The following USP47 variants were observed in gnomAD, a reference collection of about 807,000 sequenced individuals.
USP47 encodes ubiquitin specific peptidase 47, also known as ubiquitin carboxyl-terminal hydrolase 47.
A neutral mutation model predicts 165.1 loss-of-function variants in USP47; 35 were observed. That is an observed-to-expected ratio of 0.21 (90% CI 0.16 to 0.28). The LOEUF (loss-of-function observed/expected upper bound fraction) is 0.28. USP47 is among the 10% of genes least tolerant of loss of function. The pLI, the probability that USP47 is intolerant of heterozygous loss-of-function variation, is 1.00. For synonymous variants in USP47, 531 were observed against 544.5 expected (o/e 0.98, Z 0.35); for missense variants, 1,277 against 1,607.4 (o/e 0.79, Z 3.52).
intron 16 of USP47, among the ~76,000 whole-genome samples, chr11:11,935,991 C>T (rs1590416971): frequency 6.6e-6 from 1 of 151,728 alleles, no homozygotes; most frequent in East Asian, 1.9e-4. Context: ...TGATTATGAA[C>T]AATAGTTACA....
chr11:11,909,539 T>A (rs1292483639), intron 8 of USP47, among the ~76,000 whole-genome samples: 1 of 152,202 alleles, frequency 6.6e-6, no homozygotes, highest in Non-Finnish European at 1.5e-5. Flanking sequence ...AGTGCTTTTT[T>A]ATTTAACAGT....
rs1030501665 is a variant in USP47 at position 11,958,236 on chromosome 11, CTT to C, written c.*2063_*2064del. The C allele has an allele frequency of 6.6e-6, 1 of 152,212 alleles. No homozygotes were observed. The highest frequency in any genetic ancestry group is 2.4e-5 in the African/African-American group (1 of 41,448). The allele number at this position is 152,212 out of a possible 1,614,324, so 9.4% of individuals were successfully genotyped here. A position where few individuals can be genotyped will look rare whatever the true frequency, so the allele number is the denominator to read the frequency against. On this transcript the variant is annotated 3_prime_UTR_variant, in exon 28 of 28. Coordinates refer to ENST00000527733, the MANE Select transcript of USP47 (RefSeq NM_001282659.2). ...TGGTAAAATTCTTCTGATACCCACT[CTT>C]TAGACTGTGCCTTCTGCTCTGTTCT...
chr11:11,952,972 C>T (rs186863463), intron 25 of USP47, 101 bp downstream of exon 25: 37 of 974,170 alleles, frequency 3.8e-5, no homozygotes, highest in African/African-American at 1.2e-4. Flanking sequence ...TCCTGTGTTG[C>T]GTAAGAGAAA....
intron 11 of USP47, among the ~76,000 whole-genome samples, 160 bp downstream of exon 11, chr11:11,923,051 T>C (rs1353932072): frequency 3.7e-5 from 1 of 26,704 alleles, no homozygotes; most frequent in African/African-American, 1.0e-4. Flanking sequence ...CATATATATA[T>C]ATATATATAT....
chr11:11,871,264 G>A (rs1294278032), intron 1 of USP47, among the ~76,000 whole-genome samples: 1 of 151,724 alleles, frequency 6.6e-6, no homozygotes, highest in East Asian at 1.9e-4. Flanking sequence ...AGCGCTTTGG[G>A]AGGCCGAGGC....
chr11:11,851,413 C>T (rs189974108), intron 1 of USP47, among the ~76,000 whole-genome samples: 2 of 152,312 alleles, frequency 1.3e-5, no homozygotes, highest in Admixed American at 1.3e-4. Context: ...GGACTCCACT[C>T]TCGTTCCCAA....
intron 3 of USP47, 22 bp downstream of exon 3, chr11:11,884,602 A>T (rs781436963): frequency 6.4e-7 from 1 of 1,563,164 alleles, no homozygotes; most frequent in African/African-American, 1.4e-5. Flanking sequence ...AGAAAGCCCC[A>T]TATTTATAAT....
intron 11 of USP47, among the ~76,000 whole-genome samples, chr11:11,924,111 TATC>T (rs1179337669): frequency 6.8e-6 from 1 of 146,764 alleles, no homozygotes; most frequent in Non-Finnish European, 1.5e-5. Flanking sequence ...TTCAGTTTCT[TATC>T]ATTGAGTGTG....
chr11:11,954,109 G>A (rs915110017), intron 25 of USP47, among the ~76,000 whole-genome samples: 2 of 152,094 alleles, frequency 1.3e-5, no homozygotes, highest in African/African-American at 2.4e-5. Context: ...AATTAGCCAA[G>A]TGTGGTGGTG....
At chr11:11,851,189 A>T (rs982915486) in intron 1 of USP47, among the ~76,000 whole-genome samples, 1 of 152,226 alleles carries the variant, frequency 6.6e-6, no homozygotes, top group Non-Finnish European at 1.5e-5. Flanking sequence ...AAAAGGGGAT[A>T]TGGGTCTCAT....
intron 8 of USP47, among the ~76,000 whole-genome samples, chr11:11,910,871 A>C (rs897028917): frequency 6.6e-6 from 1 of 152,154 alleles, no homozygotes; most frequent in African/African-American, 2.4e-5. Context: ...AAAAATCACA[A>C]ATCTCAGTTT....
rs368337683 is a variant in USP47, at chr11:11,961,521, GA to G, written c.*5349del. ...CCTATAGAGGCTAAAAAACAGCAAG[GA>G]AATGGACTCTCCCCAGAGCCTCCAG... On this transcript the variant is annotated 3_prime_UTR_variant, in exon 28 of 28. Transcript: ENST00000527733. Among the ~76,000 whole-genome samples the G allele has an allele frequency of 1.6e-3, 244 of 152,280 alleles. 4 individuals carry two copies. In the South Asian group the frequency reaches 0.024, roughly 15 times the overall value.
In USP47 at chr11:11,957,959, TG is replaced by T. The variant is rs1169081734; in HGVS notation, c.*1786del. On this transcript the variant is annotated 3_prime_UTR_variant, in exon 28 of 28. Transcript: ENST00000527733. Reference sequence around the variant, plus strand: ...TGTTCTGAGTTTGCATTAGTGGGATTGGTGATGTTCTCAGAAGAAAATTGGA... The same window carrying T: ...TGTTCTGAGTTTGCATTAGTGGGATTGTGATGTTCTCAGAAGAAAATTGGA... The T allele has an allele frequency of 1.1e-4, 17 of 152,228 alleles. No homozygotes were observed. The highest frequency in any genetic ancestry group is 3.9e-4 in the African/African-American group (16 of 41,458). The allele number at this position is 152,228 out of a possible 1,614,324, so 9.4% of individuals were successfully genotyped here. A position where few individuals can be genotyped will look rare whatever the true frequency, so the allele number is the denominator to read the frequency against.
chr11:11,911,196 G>T (rs977244011), intron 8 of USP47, among the ~76,000 whole-genome samples: 4 of 152,078 alleles, frequency 2.6e-5, no homozygotes, highest in Admixed American at 2.6e-4. Context: ...AGAGAAGATA[G>T]ACTGAAAAAA....
intron 14 of USP47, among the ~76,000 whole-genome samples, chr11:11,931,819 T>G (rs1481318995): frequency 6.6e-6 from 1 of 152,160 alleles, no homozygotes; most frequent in African/African-American, 2.4e-5. Flanking sequence ...TTTCATATTG[T>G]CCCTTTGAAT....
rs769148609 is a variant in USP47, at chr11:11,920,452, C to T, written c.1176C>T (p.Pro392=). 70 of 1,609,900 alleles carry T rather than the reference C, an allele frequency of 4.3e-5. No individual in the cohort carries two copies. In the East Asian group the frequency reaches 1.4e-3, roughly 31 times the overall value. Residue 392 remains proline (P), a synonymous_variant, in exon 10 of 28, where the codon CCC becomes CCT. Coordinates refer to ENST00000527733, the MANE Select transcript of USP47 (RefSeq NM_001282659.2). ...RIKLNDRMTF[P]EELDMSTFID... is the part of the protein sequence containing the mutation. The stretch of plus-strand genomic sequence containing the variant: ...AACTGAATGATCGAATGACATTTCC[C>T]GAGGAACTAGATATGAGTACTTTTA...
At chr11:11,897,747 A>G (rs986794108) in intron 5 of USP47, 54 bp downstream of exon 5, 1 of 1,262,918 alleles carries the variant, frequency 7.9e-7, no homozygotes, top group African/African-American at 1.5e-5. Flanking sequence ...TGAAAATATC[A>G]CTTTTAACAA....
At chr11:11,873,137 A>G (rs570216736) in intron 1 of USP47, among the ~76,000 whole-genome samples, 18 of 152,310 alleles carry the variant, frequency 1.2e-4, no homozygotes, top group African/African-American at 4.1e-4. Flanking sequence ...TATAACAGAA[A>G]TATATTTCTA....
chr11:11,842,571 A>G (rs1848191450), intron 1 of USP47, among the ~76,000 whole-genome samples: 1 of 152,334 alleles, frequency 6.6e-6, no homozygotes, highest in African/African-American at 2.4e-5. Flanking sequence ...ACATTCTGGA[A>G]CAGTTGCCTA....
Sources: gnomAD v4.1 joint callset for allele counts (sites outside exome capture counted in the v4.1 genomes callset) on GRCh38, gnomAD v4.1.1 for gene constraint, MANE v1.5 for transcripts, NCBI Gene and HGNC (gene_info 2026-07-23, HGNC 2026-07-21) for gene names.